TRRAP: variants seen among roughly 807,000 people sequenced by gnomAD.
The protein encoded by TRRAP is transformation/transcription domain-associated protein.
TRRAP carries 41 observed loss-of-function variants against 438.8 expected under a neutral mutation model. The ratio of observed to expected loss-of-function variants is 0.09; its 90% confidence interval spans 0.07 to 0.12. The LOEUF (loss-of-function observed/expected upper bound fraction) is 0.12. Ranked by LOEUF, TRRAP falls within the 10% of genes least tolerant of loss-of-function variation. TRRAP has a pLI of 1.00. For synonymous variants in TRRAP, 1,994 were observed against 1,962.9 expected, an observed-to-expected ratio of 1.02 and a Z score of -0.42; for missense variants, 3,122 against 5,055.1, an observed-to-expected ratio of 0.62 and a Z score of 11.60.
At chr7:98,927,400 G>A in intron 23 of TRRAP, 34 bp downstream of exon 23, 2 of 1,607,224 alleles carry the variant, frequency 1.2e-6, no homozygotes, top group East Asian at 2.2e-5. Flanking sequence ...CACGGGATTG[G>A]TTCTTTGACT....
chr7:98,986,519 C>T (rs1195224634), intron 62 of TRRAP, among the ~76,000 whole-genome samples: 2 of 152,150 alleles, frequency 1.3e-5, no homozygotes, highest in African/African-American at 2.4e-5. Context: ...TTTTGAATTG[C>T]ATTTTCCTAA....
At chr7:98,937,871 T>C in intron 30 of TRRAP, 51 bp downstream of exon 30, 1 of 1,525,454 alleles carries the variant, frequency 6.6e-7, no homozygotes, top group Non-Finnish European at 8.8e-7. Context: ...AAAAATTAAA[T>C]TATTTTAAAA....
Position 98,959,482 on chromosome 7 carries a change from A to C in TRRAP, c.6481A>C (p.Met2161Leu). 1 of 1,613,180 alleles carries C rather than the reference A, an allele frequency of 6.2e-7. No homozygotes were observed. The highest frequency in any genetic ancestry group is 8.5e-7 in the Non-Finnish European group (1 of 1,179,700). ...LKLQWFDKLL[M>L]TVEQPNQVNY... Reference sequence around the variant, plus strand: ...GCTGCAGTGGTTCGACAAGCTGCTGATGACTGTGGTGAGTGCGAGTGTCTG... The same window carrying C: ...GCTGCAGTGGTTCGACAAGCTGCTGCTGACTGTGGTGAGTGCGAGTGTCTG... The change falls in exon 45 of 73, where the codon ATG becomes CTG. Residue 2161 changes from methionine to leucine, a missense_variant. By Grantham distance (15) the Met-to-Leu change is conservative (BLOSUM62 2). Transcript: ENST00000456197.
chr7:98,907,852 C>T (rs1328294314), intron 13 of TRRAP, among the ~76,000 whole-genome samples: 1 of 150,130 alleles, frequency 6.7e-6, no homozygotes, highest in Non-Finnish European at 1.5e-5. Context: ...TGACCTGCTT[C>T]AGCCATGCTG....
chr7:98,885,056 A>G (rs1366842342), intron 3 of TRRAP, among the ~76,000 whole-genome samples: 1 of 151,918 alleles, frequency 6.6e-6, no homozygotes, highest in Non-Finnish European at 1.5e-5. Context: ...TAAGCATGAA[A>G]CCCCAATCAT....
chr7:98,892,252 C>T (rs1554405024), intron 4 of TRRAP, among the ~76,000 whole-genome samples, 172 bp from the exon 5 acceptor site: 1 of 152,160 alleles, frequency 6.6e-6, no homozygotes, highest in African/African-American at 2.4e-5. Context: ...CTTTGGGTTA[C>T]ATTTAAGTAG....
In TRRAP at chr7:98,950,863, A is replaced by ATT; in HGVS notation, c.5335-6_5335-5dup. On this transcript the variant is annotated splice_polypyrimidine_tract_variant and intron_variant, in intron 38 of 72. Transcript: ENST00000456197. ...TTTGTTTTTCTCCTTCTTTATTTAA[A>ATT]TTTTTTTTGTAGGTTCTGCAGCATA... is the stretch of plus-strand genomic sequence containing the variant. 2 of 1,509,660 alleles carry ATT rather than the reference A, an allele frequency of 1.3e-6. No individual in the cohort carries two copies. Among genetic ancestry groups the ATT allele is most frequent in the East Asian group, 2.4e-5 (1 of 41,542 alleles). 93.5% of individuals were successfully genotyped at this position (1,509,660 alleles called of 1,614,324 possible).
At chr7:98,921,695 C>G (rs535156718) in intron 20 of TRRAP, 58 bp from the exon 21 acceptor site, 33 of 1,602,984 alleles carry the variant, frequency 2.1e-5, no homozygotes, top group Non-Finnish European at 2.8e-5. Flanking sequence ...AGTTTTGATC[C>G]GAACCTCGTG....
chr7:98,966,933 A>T, intron 49 of TRRAP, 108 bp from the exon 50 acceptor site: 1 of 1,206,792 alleles, frequency 8.3e-7, no homozygotes, highest in Non-Finnish European at 1.2e-6. Flanking sequence ...CTTACTGTTT[A>T]GGAATGACCT....
intron 67 of TRRAP, among the ~76,000 whole-genome samples, chr7:99,000,802 C>T: frequency 6.6e-6 from 1 of 152,232 alleles, no homozygotes. Context: ...CCAGGCTGGG[C>T]TGGGGGCACC....
At chr7:98,900,436 G>T (rs544400341) in intron 10 of TRRAP, among the ~76,000 whole-genome samples, 188 bp from the exon 11 acceptor site, 10 of 152,266 alleles carry the variant, frequency 6.6e-5, no homozygotes, top group Non-Finnish European at 1.5e-5. Flanking sequence ...ACTGGTTGGT[G>T]TGTTTCCTTA....
At chr7:98,886,354 A>G (rs928151791) in intron 3 of TRRAP, among the ~76,000 whole-genome samples, 6 of 152,100 alleles carry the variant, frequency 3.9e-5, no homozygotes, top group South Asian at 2.1e-4. Context: ...ATAGATATCT[A>G]TATAGATAGA....
In TRRAP at chr7:98,970,273, C is replaced by T. The variant is rs1167918141; in HGVS notation, c.7674C>T (p.Asn2558=). 5 of 1,612,508 alleles carry T rather than the reference C, an allele frequency of 3.1e-6. No homozygotes were observed. The highest frequency in any genetic ancestry group is 4.5e-5 in the East Asian group (2 of 44,854). Residue 2558 remains asparagine, a synonymous_variant, in exon 52 of 73, where the codon AAC becomes AAT. Transcript: ENST00000456197. ...AGCAGGAGCCCCGGGAGCGGGAGAA[C>T]AGCGAGTCCAAAGAGGAGGTGAGGC... is the stretch of plus-strand genomic sequence containing the variant. ...HVKQEPRERE[N]SESKEEDVEI... is the part of the protein sequence containing the mutation.
chr7:98,892,986 T>C (rs1165768215), intron 5 of TRRAP, among the ~76,000 whole-genome samples: 7 of 151,990 alleles, frequency 4.6e-5, no homozygotes, highest in Admixed American at 4.6e-4. Context: ...TGAGATGAAG[T>C]CTTGGCCCAG....
intron 18 of TRRAP, 116 bp downstream of exon 18, chr7:98,912,329 TG>T: frequency 9.3e-7 from 1 of 1,074,458 alleles, no homozygotes. Flanking sequence ...GCAATCCACC[TG>T]CCTTGATCTC....
chr7:98,902,498 G>A (rs1655441284), intron 11 of TRRAP, among the ~76,000 whole-genome samples: 1 of 152,148 alleles, frequency 6.6e-6, no homozygotes, highest in Non-Finnish European at 1.5e-5. Context: ...GAGCTGAATT[G>A]TTTAGAATAA....
Position 98,908,651 on chromosome 7 carries a change from T to A in TRRAP, c.1116-77T>A. The A allele has an allele frequency of 1.5e-6, 2 of 1,347,064 alleles. No individual in the cohort carries two copies. The highest frequency in any genetic ancestry group is 2.6e-5 in the South Asian group (2 of 77,440). The allele number at this position is 1,347,064 out of a possible 1,614,324, so 83.4% of individuals were successfully genotyped here. On this transcript the variant is annotated intron_variant, in intron 13 of 72. Transcript: ENST00000456197. The surrounding 1 kb of genome is among the most constrained non-coding windows in gnomAD (Gnocchi z 4.1). Reference sequence around the variant, plus strand: ...CCAGGGGTGGTGTTCCTGGGGCAGATGGTGATATCCTTGGTGGCCTGCTGC... The same window carrying A: ...CCAGGGGTGGTGTTCCTGGGGCAGAAGGTGATATCCTTGGTGGCCTGCTGC...
At chr7:98,971,013 C>G (rs994738436) in intron 52 of TRRAP, among the ~76,000 whole-genome samples, 1 of 152,172 alleles carries the variant, frequency 6.6e-6, no homozygotes, top group Admixed American at 6.5e-5. Context: ...TTTGGAGGCT[C>G]AGCCTGTGTG....
intron 5 of TRRAP, 23 bp downstream of exon 5, chr7:98,892,551 T>A (rs782104013): frequency 2.6e-6 from 4 of 1,554,758 alleles, no homozygotes; most frequent in Non-Finnish European, 3.5e-6. Context: ...AATTAATTCT[T>A]GTCGTATAGC....
Sources: allele counts gnomAD v4.1 joint callset (sites outside exome capture counted in the v4.1 genomes callset), GRCh38; gene constraint gnomAD v4.1.1; non-coding constraint Gnocchi (gnomAD v3.1); transcripts MANE v1.5; gene names NCBI Gene and HGNC (gene_info 2026-07-23, HGNC 2026-07-21).